The following CPEB1 variants were observed in gnomAD, a reference collection of about 807,000 sequenced individuals.
CPEB1 encodes the protein cytoplasmic polyadenylation element-binding protein 1.
CPEB1 carries 7 observed loss-of-function variants against 65.8 expected under a neutral mutation model. The ratio of observed to expected loss-of-function variants is 0.11; its 90% CI spans 0.06 to 0.20. The LOEUF (loss-of-function observed/expected upper bound fraction) is 0.20. Ranked by LOEUF, CPEB1 falls within the 10% of genes least tolerant of loss-of-function variation. CPEB1 has a pLI of 1.00. For missense variants in CPEB1, 551 were observed against 712.2 expected (o/e 0.77, Z 2.58); for synonymous variants, 262 against 260.0 (o/e 1.01, Z -0.08).
At chr15:82,596,214 A>T (rs1009103205) in intron 3 of CPEB1, among the ~76,000 whole-genome samples, 6 of 152,254 alleles carry the variant, frequency 3.9e-5, no homozygotes, top group Non-Finnish European at 5.9e-5. Flanking sequence ...CTCACGAAAA[A>T]TAAAGCAGTT....
chr15:82,597,308 CAG>C (rs1299271352), intron 3 of CPEB1, among the ~76,000 whole-genome samples: 4 of 152,142 alleles, frequency 2.6e-5, no homozygotes, highest in Non-Finnish European at 5.9e-5. Flanking sequence ...CTTAAGGAAT[CAG>C]AGAGACTGAT....
chr15:82,637,508 T>G (rs1345662750), intron 1 of CPEB1, among the ~76,000 whole-genome samples: 1 of 152,182 alleles, frequency 6.6e-6, no homozygotes, highest in Non-Finnish European at 1.5e-5. Flanking sequence ...TGTCTTTCCC[T>G]AGCATCCCCA....
intron 3 of CPEB1, among the ~76,000 whole-genome samples, chr15:82,598,349 C>T (rs571778147): frequency 6.6e-6 from 1 of 151,776 alleles, no homozygotes; most frequent in East Asian, 1.9e-4. Context: ...CAAAAATTAC[C>T]CGGGCATGGT....
intron 4 of CPEB1, 61 bp downstream of exon 4, chr15:82,571,283 A>G (rs2039983905): frequency 1.9e-6 from 3 of 1,559,584 alleles, no homozygotes; most frequent in Admixed American, 1.9e-5. Flanking sequence ...TGCTGTGGAT[A>G]TCTTCGTTCA....
intron 3 of CPEB1, among the ~76,000 whole-genome samples, chr15:82,606,910 A>C (rs189451443): frequency 1.1e-4 from 17 of 152,186 alleles, no homozygotes; most frequent in African/African-American, 3.9e-4. Flanking sequence ...AGGTGGGAAG[A>C]TCACTTAAGG....
At chr15:82,605,697 T>C (rs1036541425) in intron 3 of CPEB1, among the ~76,000 whole-genome samples, 1 of 152,296 alleles carries the variant, frequency 6.6e-6, no homozygotes, top group Admixed American at 6.5e-5. Flanking sequence ...AGACAAAAGA[T>C]AGCTAAAGTT....
chr15:82,572,424 A>G (rs928624031), intron 3 of CPEB1, among the ~76,000 whole-genome samples: 8 of 152,116 alleles, frequency 5.3e-5, no homozygotes, highest in Non-Finnish European at 1.0e-4. Context: ...GGGCTGTTCC[A>G]GGTACACCTC....
rs71156035 is a variant in CPEB1, at chr15:82,547,289, C to CTTTT, written c.1481-56_1481-53dup. 923 of 389,940 alleles carry CTTTT rather than the reference C, an allele frequency of 2.4e-3. 3 individuals carry two copies. The highest frequency in any genetic ancestry group is 4.0e-3 in the African/African-American group (100 of 25,314). The allele number at this position is 389,940 out of a possible 1,614,324, so 24.2% of individuals were successfully genotyped here. ...TCTAACCAAATTCTCCCAAATGCTACTTTTTTTTTTTTTTTTTTTTTTTTT... is the reference window on the plus strand; with the variant it reads ...TCTAACCAAATTCTCCCAAATGCTACTTTTTTTTTTTTTTTTTTTTTTTTTTTTT... On this transcript the variant is annotated intron_variant, in intron 10 of 12. Transcript: ENST00000684509.
Position 82,587,861 on chromosome 15 carries a change from G to A in CPEB1, c.272-16329C>T, listed in dbSNP as rs1461416556. ...GTTTATACCTAAGTACAAACATTGAGAAGTAGTTCAGTACTTCTAAGATTC... is the reference window on the plus strand; with the variant it reads ...GTTTATACCTAAGTACAAACATTGAAAAGTAGTTCAGTACTTCTAAGATTC... On this transcript the variant is annotated intron_variant, in intron 3 of 12. Coordinates refer to ENST00000684509, the MANE Select transcript of CPEB1 (RefSeq NM_001365242.1). Among the ~76,000 whole-genome samples, 3 of 152,268 alleles carry A rather than the reference G, an allele frequency of 2.0e-5. No homozygotes were observed. In the East Asian group the frequency reaches 5.8e-4, roughly 29 times the overall value.
chr15:82,641,237 A>C (rs965926407), intron 1 of CPEB1, among the ~76,000 whole-genome samples: 3 of 152,162 alleles, frequency 2.0e-5, no homozygotes, highest in African/African-American at 4.8e-5. Flanking sequence ...CAGCTTTAAA[A>C]AAAAACAAAA....
rs749282506 is a variant in CPEB1 at position 82,571,351 on chromosome 15, T to C, written c.453A>G (p.Thr151=). The C allele has an allele frequency of 2.5e-5, 41 of 1,611,874 alleles. No homozygotes were observed. The highest frequency in any genetic ancestry group is 3.1e-5 in the Non-Finnish European group (37 of 1,179,178). The part of the protein sequence containing the change: ...QDSDSSAQSS[T]HSVLSMLHNP... ...TCATTCTCTGGCACTCACCCGAGTG[T>C]GTGCTGCTCTGGGCTGAGGAATCTG... Residue 151 remains threonine, a synonymous_variant, in exon 4 of 13, where the codon ACA becomes ACG. Coordinates refer to ENST00000684509, the MANE Select transcript of CPEB1 (RefSeq NM_001365242.1).
intron 9 of CPEB1, among the ~76,000 whole-genome samples, chr15:82,551,179 C>CA (rs1434489088): frequency 6.6e-6 from 1 of 152,128 alleles, no homozygotes; most frequent in African/African-American, 2.4e-5. Context: ...TAACACAGAA[C>CA]AAGAGCCAGC....
chr15:82,600,021 AAT>A (rs2042970431), intron 3 of CPEB1, among the ~76,000 whole-genome samples: 1 of 152,198 alleles, frequency 6.6e-6, no homozygotes, highest in Non-Finnish European at 1.5e-5. Flanking sequence ...AGGCACAGGA[AAT>A]ATATGAGGAG....
At chr15:82,546,583 T>C (rs759434655) in intron 11 of CPEB1, 62 bp from the exon 12 acceptor site, 9 of 1,222,248 alleles carry the variant, frequency 7.4e-6, no homozygotes, top group African/African-American at 4.5e-5. Flanking sequence ...CGATAGGCGA[T>C]AGAAGAAGGG....
At chr15:82,563,270 A>T (rs1422413750) in intron 4 of CPEB1, among the ~76,000 whole-genome samples, 1 of 151,628 alleles carries the variant, frequency 6.6e-6, no homozygotes, top group African/African-American at 2.4e-5. Context: ...TATGAATGAC[A>T]GTTTAATCAA....
At chr15:82,626,993 G>A (rs144590923) in intron 3 of CPEB1, among the ~76,000 whole-genome samples, 200 bp downstream of exon 3, 1 of 152,194 alleles carries the variant, frequency 6.6e-6, no homozygotes, top group East Asian at 1.9e-4. Context: ...GTATCATAAA[G>A]TAGGTTTACA....
chr15:82,613,138 T>C lies in CPEB1; in HGVS notation c.271+14055A>G, dbSNP rs1333666528. Among the ~76,000 whole-genome samples the C allele has an allele frequency of 3.3e-5, 5 of 152,164 alleles. No individual in the cohort carries two copies. In the East Asian group the frequency reaches 5.8e-4, roughly 18 times the overall value. On this transcript the variant is annotated intron_variant, in intron 3 of 12. Coordinates refer to ENST00000684509, the MANE Select transcript of CPEB1 (RefSeq NM_001365242.1). ...GAAAATTACAAGCTTATCTCTTATG[T>C]GCATGAATACAAAAATCCTGAAGAC...
intron 1 of CPEB1, among the ~76,000 whole-genome samples, chr15:82,644,734 T>C (rs189875752): frequency 1.2e-4 from 19 of 152,326 alleles, no homozygotes; most frequent in African/African-American, 3.6e-4. Flanking sequence ...TCCTCCTCCT[T>C]TGCTCATTTA....
chr15:82,589,535 G>A (rs117459603), intron 3 of CPEB1, among the ~76,000 whole-genome samples: 2,681 of 152,250 alleles, frequency 0.018, 29 homozygotes, highest in Non-Finnish European at 0.025. Context: ...CTTGAAGTCA[G>A]GAGTTTAGGA....
Sources: allele counts gnomAD v4.1 joint callset (sites outside exome capture counted in the v4.1 genomes callset), GRCh38; gene constraint gnomAD v4.1.1; transcripts MANE v1.5; gene names NCBI Gene and HGNC (gene_info 2026-07-23, HGNC 2026-07-21).